Variants in DLGAP1 observed in about 807,000 individuals in gnomAD.
The protein encoded by DLGAP1 is disks large-associated protein 1.
DLGAP1 carries 11 observed loss-of-function variants against 90.8 expected under a neutral mutation model. That is an observed-to-expected ratio of 0.12 (90% CI 0.08 to 0.20). The LOEUF (loss-of-function observed/expected upper bound fraction) is 0.20, where lower values mean the gene tolerates loss of function less well. Ranked by LOEUF, DLGAP1 falls within the 10% of genes least tolerant of loss-of-function variation. DLGAP1 has a pLI of 1.00. For synonymous variants in DLGAP1, 558 were observed against 540.7 expected, an observed-to-expected ratio of 1.03 and a Z score of -0.44; for missense variants, 1,050 against 1,333.8, an observed-to-expected ratio of 0.79 and a Z score of 3.31.
chr18:4,059,989 T>G (rs947871447), intron 2 of DLGAP1, among the ~76,000 whole-genome samples: 4 of 152,250 alleles, frequency 2.6e-5, no homozygotes, highest in Middle Eastern at 6.8e-3. Flanking sequence ...GCCAGGCCAC[T>G]GGAAGGCAAA....
intron 3 of DLGAP1, among the ~76,000 whole-genome samples, chr18:3,926,452 G>T (rs2072390160): frequency 6.8e-6 from 1 of 146,956 alleles, no homozygotes; most frequent in African/African-American, 2.6e-5. Context: ...ACACATGCAT[G>T]TATGTATATA....
intron 3 of DLGAP1, among the ~76,000 whole-genome samples, chr18:3,944,997 A>G (rs1455040228): frequency 1.3e-5 from 2 of 152,202 alleles, no homozygotes; most frequent in Non-Finnish European, 2.9e-5. Flanking sequence ...TTTCTTCTCA[A>G]AAATCTTTAT....
chr18:4,426,512 T>C (rs763487209), intron 1 of DLGAP1, among the ~76,000 whole-genome samples: 3 of 152,098 alleles, frequency 2.0e-5, no homozygotes, highest in Non-Finnish European at 2.9e-5. Context: ...GATAAGGAGG[T>C]AGAGAATAGT....
At chr18:3,622,512 G>A (rs570691489) in intron 7 of DLGAP1, among the ~76,000 whole-genome samples, 12 of 152,164 alleles carry the variant, frequency 7.9e-5, no homozygotes, top group Non-Finnish European at 1.6e-4. Flanking sequence ...GGAGGAGGGA[G>A]AGTCCAGAAT....
chr18:3,594,901 A>C (rs2145614608), intron 7 of DLGAP1, among the ~76,000 whole-genome samples: 1 of 152,306 alleles, frequency 6.6e-6, no homozygotes, highest in African/African-American at 2.4e-5. Context: ...GGCCAGAAGC[A>C]CTGCTCATTT....
chr18:3,539,037 C>T (rs924633105), intron 9 of DLGAP1, among the ~76,000 whole-genome samples: 2 of 152,218 alleles, frequency 1.3e-5, no homozygotes, highest in Non-Finnish European at 2.9e-5. Context: ...CCTTTGAACT[C>T]AGGCAGCCCT....
At position 3,567,513 on chromosome 18, in the gene DLGAP1, T is replaced by C; in HGVS notation, c.2034A>G (p.Gly678=). Residue 678 remains glycine, a synonymous_variant, in exon 9 of 13, where the codon GGA becomes GGG. Transcript: ENST00000315677. ...NKAPSKFQSV[G]VQVEEEKCFR... ...ACCACTTCTCTTCTTCTACTTGCAC[T>C]CCCACGGACTGGAACTTACTGGGTG... 2 of 1,613,970 alleles carry C rather than the reference T, an allele frequency of 1.2e-6. No homozygotes were observed.
intron 1 of DLGAP1, among the ~76,000 whole-genome samples, chr18:4,396,458 C>T (rs772860654): frequency 1.6e-4 from 25 of 152,110 alleles, no homozygotes; most frequent in African/African-American, 2.9e-4. Flanking sequence ...GTTATTCTCA[C>T]GAATTACGGT....
chr18:3,600,603 T>A (rs985616067), intron 7 of DLGAP1, among the ~76,000 whole-genome samples: 3 of 150,780 alleles, frequency 2.0e-5, no homozygotes, highest in African/African-American at 7.3e-5. Flanking sequence ...TTTGAACTGT[T>A]TCTTTCCACA....
intron 3 of DLGAP1, among the ~76,000 whole-genome samples, chr18:3,881,275 C>A (rs1198367529): frequency 1.3e-5 from 2 of 152,110 alleles, no homozygotes; most frequent in Non-Finnish European, 2.9e-5. Flanking sequence ...CAGGTGCCTG[C>A]CACCATGGCT....
intron 7 of DLGAP1, among the ~76,000 whole-genome samples, chr18:3,623,698 A>G (rs988344640): frequency 6.7e-6 from 1 of 148,540 alleles, no homozygotes; most frequent in African/African-American, 2.5e-5. Flanking sequence ...AATCGCTTGA[A>G]CCTGGGAGGC....
intron 1 of DLGAP1, among the ~76,000 whole-genome samples, chr18:4,242,814 T>C (rs184877191): frequency 1.8e-4 from 27 of 152,092 alleles, no homozygotes; most frequent in African/African-American, 5.8e-4. Context: ...GTAGTACCCA[T>C]GTGAGGGCTA....
intron 6 of DLGAP1, among the ~76,000 whole-genome samples, chr18:3,732,967 T>C (rs2062499234): frequency 6.6e-6 from 1 of 152,206 alleles, no homozygotes; most frequent in Non-Finnish European, 1.5e-5. Context: ...TAACCTCTTC[T>C]ATATATGTTT....
intron 1 of DLGAP1, among the ~76,000 whole-genome samples, chr18:4,277,278 T>C (rs1783845557): frequency 2.0e-5 from 3 of 152,236 alleles, no homozygotes. Flanking sequence ...TGGAATTGCA[T>C]AATGTTACTT....
intron 3 of DLGAP1, among the ~76,000 whole-genome samples, chr18:3,968,978 A>AT (rs1353334241): frequency 6.6e-6 from 1 of 152,174 alleles, no homozygotes; most frequent in East Asian, 1.9e-4. Context: ...TTTAAAAGAC[A>AT]TTTTGCAGGT....
At chr18:3,551,650 C>CTCTT (rs59660442) in intron 9 of DLGAP1, among the ~76,000 whole-genome samples, 67,599 of 75,002 alleles carry the variant, frequency 0.9, 31,317 homozygotes, top group East Asian at 0.99. Flanking sequence ...CTTTCTCTCT[C>CTCTT]TCTTTGTCTC....
intron 2 of DLGAP1, among the ~76,000 whole-genome samples, chr18:4,120,927 A>AC (rs2076143863): frequency 6.6e-6 from 1 of 152,218 alleles, no homozygotes. Flanking sequence ...ATAGCAGAGA[A>AC]CAAGGTAGAC....
intron 5 of DLGAP1, among the ~76,000 whole-genome samples, chr18:3,787,155 A>G (rs1249627476): frequency 6.6e-6 from 1 of 152,128 alleles, no homozygotes; most frequent in Non-Finnish European, 1.5e-5. Flanking sequence ...AAATGGCTTT[A>G]GATTTTTTGG....
At chr18:3,928,396 T>C (rs2148924424) in intron 3 of DLGAP1, among the ~76,000 whole-genome samples, 1 of 152,320 alleles carries the variant, frequency 6.6e-6, no homozygotes, top group South Asian at 2.1e-4. Context: ...ATTATGTGCC[T>C]TCAAAATATT....
Sources: allele counts gnomAD v4.1 joint callset (sites outside exome capture counted in the v4.1 genomes callset), GRCh38; gene constraint gnomAD v4.1.1; transcripts MANE v1.5; gene names NCBI Gene and HGNC (gene_info 2026-07-23, HGNC 2026-07-21).